Variants in THADA observed in about 807,000 individuals in gnomAD.
THADA encodes THADA armadillo repeat containing.
In THADA, 213 loss-of-function variants were observed where a neutral mutation model predicts 219.8. That is an observed-to-expected ratio of 0.97 (90% CI 0.87 to 1.09). The LOEUF (loss-of-function observed/expected upper bound fraction) is 1.09, where lower values mean the gene tolerates loss of function less well. Among genes scored for constraint, THADA ranks in the 50% least tolerant of loss-of-function variants. The pLI, the probability that THADA is intolerant of heterozygous loss-of-function variation, is 0.00. For synonymous variants in THADA, 1,018 were observed against 828.9 expected (o/e 1.23, Z -3.92); for missense variants, 2,956 against 2,311.3 (o/e 1.28, Z -5.72).
chr2:43,524,572 A>C (rs1374980472), intron 22 of THADA, among the ~76,000 whole-genome samples: 1 of 152,216 alleles, frequency 6.6e-6, no homozygotes, highest in Non-Finnish European at 1.5e-5. Context: ...AGGGCTTATA[A>C]AACGCTCTCA....
At chr2:43,261,939 T>G (rs1671002246) in intron 36 of THADA, among the ~76,000 whole-genome samples, 1 of 152,052 alleles carries the variant, frequency 6.6e-6, no homozygotes, top group Non-Finnish European at 1.5e-5. Context: ...GCCTGGCAAT[T>G]TTTTGTATTT....
intron 29 of THADA, among the ~76,000 whole-genome samples, chr2:43,350,811 A>C (rs1573210226): frequency 6.6e-6 from 1 of 152,232 alleles, no homozygotes; most frequent in East Asian, 1.9e-4. Flanking sequence ...TTATTGGGTA[A>C]GAATACATCC....
rs1223814966 is a variant in THADA at position 43,310,228 on chromosome 2, C to CT, written c.4438+10217_4438+10218insA. Among the ~76,000 whole-genome samples the CT allele has an allele frequency of 3.0e-4, 33 of 110,458 alleles. 1 individual carries two copies. The highest frequency in any genetic ancestry group is 1.1e-3 in the African/African-American group (32 of 30,362). The allele number at this position is 110,458 out of a possible 152,430, so 72.5% of individuals were successfully genotyped here. A position where few individuals can be genotyped will look rare whatever the true frequency, so the allele number is the denominator to read the frequency against. On this transcript the variant is annotated intron_variant, in intron 31 of 37. Coordinates refer to ENST00000405975, the MANE Select transcript of THADA (RefSeq NM_022065.5). The stretch of plus-strand genomic sequence containing the variant: ...CTCCCTCCCTCCCTCCCTTTCCCGC[C>CT]CCCCCCCCAAACAAGCTGATCCTAA...
intron 36 of THADA, among the ~76,000 whole-genome samples, chr2:43,274,011 T>A (rs762458549): frequency 6.6e-6 from 1 of 151,886 alleles, no homozygotes; most frequent in African/African-American, 2.4e-5. Context: ...AACCTCTGAG[T>A]CTCATTTTTC....
intron 30 of THADA, among the ~76,000 whole-genome samples, chr2:43,330,228 C>G (rs1303859762): frequency 6.6e-6 from 1 of 152,212 alleles, no homozygotes; most frequent in Non-Finnish European, 1.5e-5. Context: ...AGCCTGCGGA[C>G]TGGTGAGGAC....
chr2:43,421,741 T>A (rs1278057929), intron 28 of THADA, among the ~76,000 whole-genome samples: 1 of 152,194 alleles, frequency 6.6e-6, no homozygotes, highest in Non-Finnish European at 1.5e-5. Flanking sequence ...ACATAACATC[T>A]CATAGGCCAA....
At chr2:43,440,827 C>G (rs1251288834) in intron 26 of THADA, among the ~76,000 whole-genome samples, 1 of 152,158 alleles carries the variant, frequency 6.6e-6, no homozygotes, top group East Asian at 1.9e-4. Flanking sequence ...ACTGGCTCTG[C>G]TGACCATAAT....
At chr2:43,248,577 C>T (rs1316300385) in intron 36 of THADA, among the ~76,000 whole-genome samples, 1 of 152,048 alleles carries the variant, frequency 6.6e-6, no homozygotes, top group African/African-American at 2.4e-5. Context: ...GTAGGAGTTA[C>T]GATGGAAAAT....
chr2:43,547,969 C>T (rs980626041), intron 20 of THADA, among the ~76,000 whole-genome samples: 20 of 152,174 alleles, frequency 1.3e-4, no homozygotes, highest in Non-Finnish European at 2.4e-4. Context: ...AGTTTTTCTG[C>T]TCTGTTTTTT....
At chr2:43,259,719 A>G (rs1298364737) in intron 36 of THADA, among the ~76,000 whole-genome samples, 1 of 152,176 alleles carries the variant, frequency 6.6e-6, no homozygotes, top group Admixed American at 6.5e-5. Flanking sequence ...ATTAACATTT[A>G]CTTAACTAAT....
At position 43,366,343 on chromosome 2, in the gene THADA, G is replaced by A. The variant is rs1158954934; in HGVS notation, c.4228-22106C>T. 3.3e-5 allele frequency among the ~76,000 whole-genome samples: 5 copies of A among 152,266 alleles called. No individual in the cohort carries two copies. In the East Asian group the frequency reaches 7.7e-4, roughly 23 times the overall value. On this transcript the variant is annotated intron_variant, in intron 29 of 37. Coordinates refer to ENST00000405975, the MANE Select transcript of THADA (RefSeq NM_022065.5). ...AGTCAATTAAAGACCTAAGTAAGGT[G>A]GAGTGAAGAAGAAAAAGCTCACTGT... is the stretch of plus-strand genomic sequence containing the variant.
intron 36 of THADA, among the ~76,000 whole-genome samples, chr2:43,245,265 T>A (rs1277955223): frequency 6.9e-6 from 1 of 144,164 alleles, no homozygotes; most frequent in African/African-American, 2.6e-5. Context: ...CTCTGCCTTG[T>A]GGGTTCCAGC....
chr2:43,460,230 T>A (rs1683460975), intron 26 of THADA, among the ~76,000 whole-genome samples: 1 of 131,216 alleles, frequency 7.6e-6, no homozygotes, highest in South Asian at 2.5e-4. Flanking sequence ...AAACAAGCTT[T>A]CTCTTAATAA....
intron 36 of THADA, 46 bp from the exon 37 acceptor site, chr2:43,232,928 C>A: frequency 6.4e-7 from 1 of 1,553,010 alleles, no homozygotes; most frequent in African/African-American, 1.4e-5. Context: ...CTGCTCAGGG[C>A]CGACCCCAGG....
At chr2:43,443,723 G>A (rs1330654322) in intron 26 of THADA, among the ~76,000 whole-genome samples, 2 of 152,234 alleles carry the variant, frequency 1.3e-5, no homozygotes, top group African/African-American at 4.8e-5. Context: ...GAGTGAGAAT[G>A]AAGCAGCTTT....
At chr2:43,586,362 G>A (rs369802989) in intron 7 of THADA, 39 bp downstream of exon 7, 6 of 1,502,566 alleles carry the variant, frequency 4.0e-6, no homozygotes, top group South Asian at 2.6e-5. Context: ...ATGTACAACT[G>A]CAAGTGTGCA....
At chr2:43,408,255 G>C (rs1180655952) in intron 28 of THADA, 4 of 152,120 alleles carry the variant, frequency 2.6e-5, no homozygotes, top group African/African-American at 9.7e-5. Context: ...TCTCAGTACT[G>C]ATCACCTCAG....
At chr2:43,470,812 G>C (rs1684822879) in intron 26 of THADA, among the ~76,000 whole-genome samples, 1 of 152,198 alleles carries the variant, frequency 6.6e-6, no homozygotes, top group South Asian at 2.1e-4. Flanking sequence ...CATCCACCTG[G>C]CTTTGGAAGA....
intron 29 of THADA, among the ~76,000 whole-genome samples, chr2:43,382,628 G>A (rs1230836107): frequency 2.0e-5 from 3 of 152,126 alleles, no homozygotes; most frequent in East Asian, 1.9e-4. Context: ...AATACTTAAC[G>A]ATAAAAGGAA....
Sources: allele counts gnomAD v4.1 joint callset (sites outside exome capture counted in the v4.1 genomes callset), GRCh38; gene constraint gnomAD v4.1.1; transcripts MANE v1.5; gene names NCBI Gene and HGNC (gene_info 2026-07-23, HGNC 2026-07-21).